USP33: variants seen among roughly 807,000 people sequenced by gnomAD.
The protein encoded by USP33 is ubiquitin carboxyl-terminal hydrolase 33.
A neutral mutation model predicts 124.2 loss-of-function variants in USP33; 46 were observed. The observed-to-expected ratio is 0.37, with a 90% CI of 0.29 to 0.47. The LOEUF (loss-of-function observed/expected upper bound fraction) is 0.47. Ranked by LOEUF, USP33 falls within the 20% of genes least tolerant of loss-of-function variation. The pLI is 0.99. For missense variants in USP33, 851 were observed against 1,070.6 expected (o/e 0.79, Z 2.86); for synonymous variants, 350 against 352.3 (o/e 0.99, Z 0.07).
rs1472766707 is a variant in USP33, at chr1:77,713,284, A to T, written c.2216-3T>A. 7 of 1,561,018 alleles carry T rather than the reference A, an allele frequency of 4.5e-6. No homozygotes were observed. The South Asian group carries it at 7.2e-5, about 16-fold the overall frequency. ...ACCAGCTTTTCTTGGAGGAACACCTAAAAAAATATATAAACATATCTGTTT... is the reference window on the plus strand; with the variant it reads ...ACCAGCTTTTCTTGGAGGAACACCTTAAAAAATATATAAACATATCTGTTT... On this transcript the variant is annotated splice_region_variant and splice_polypyrimidine_tract_variant and intron_variant, in intron 19 of 23. Coordinates refer to ENST00000370794, the MANE Select transcript of USP33 (RefSeq NM_201624.3).
At chr1:77,713,345 TC>T in intron 19 of USP33, 64 bp from the exon 20 acceptor site, 1 of 1,387,762 alleles carries the variant, frequency 7.2e-7, no homozygotes, top group Non-Finnish European at 9.8e-7. Flanking sequence ...AACATTAAAC[TC>T]ATTTTTTTTT....
rs541042127 is a variant in USP33 at position 77,728,561 on chromosome 1, C to T, written c.869G>A (p.Cys290Tyr). The T allele has an allele frequency of 1.2e-6, 2 of 1,614,146 alleles. No individual in the cohort carries two copies. Among genetic ancestry groups the T allele is most frequent in the South Asian group, 2.2e-5 (2 of 91,076 alleles). ...TCTATCACTGTTGCTACAAGATTCA[C>T]AAGACTGAAAATCTACATCCGACTG... The part of the protein sequence containing the change: ...KSQSDVDFQS[C>Y]ESCSNSDRAE... Residue 290 changes from cysteine (C) to tyrosine (Y), a missense_variant, in exon 10 of 24, where the codon TGT becomes TAT. Physicochemically the swap from Cys to Tyr is radical, Grantham distance 194. This residue lies in a region of USP33 where 207 missense variants were observed against 200.9 expected (regional missense o/e 1.03). Coordinates refer to ENST00000370794, the MANE Select transcript of USP33 (RefSeq NM_201624.3).
chr1:77,721,478 G>C (rs1676554701), intron 14 of USP33: 1 of 539,224 alleles, frequency 1.9e-6, no homozygotes, highest in African/African-American at 1.9e-5. Context: ...CAAGGTGCTA[G>C]ACACACAAAA....
At chr1:77,739,468 T>C (rs1352023052) in intron 4 of USP33, 51 bp from the exon 5 acceptor site, 1 of 1,490,756 alleles carries the variant, frequency 6.7e-7, no homozygotes. Flanking sequence ...TACATATACT[T>C]GAAAAGACTT....
intron 1 of USP33, among the ~76,000 whole-genome samples, chr1:77,756,135 G>A (rs1389564199): frequency 6.6e-6 from 1 of 152,064 alleles, no homozygotes; most frequent in Non-Finnish European, 1.5e-5. Flanking sequence ...TGAAATGGGA[G>A]GCTCTCTATA....
At chr1:77,736,309 CTTACAT>C (rs1190151926) in intron 5 of USP33, 151 bp from the exon 6 acceptor site, 1 of 496,984 alleles carries the variant, frequency 2.0e-6, no homozygotes, top group East Asian at 3.2e-5. Context: ...AGCAATTAAA[CTTACAT>C]TTATATTTTG....
chr1:77,739,552 TG>T (rs1349292094), intron 4 of USP33, 135 bp from the exon 5 acceptor site: 6 of 815,344 alleles, frequency 7.4e-6, no homozygotes, highest in South Asian at 2.9e-5. Flanking sequence ...ATTTAGAACA[TG>T]AAAAAAATTC....
At chr1:77,741,541 T>C in intron 2 of USP33, 76 bp downstream of exon 2, 2 of 1,537,304 alleles carry the variant, frequency 1.3e-6, no homozygotes, top group Non-Finnish European at 1.8e-6. Flanking sequence ...CATAGAGTAT[T>C]ACAGTAATTT....
chr1:77,735,959 C>T, intron 6 of USP33, 97 bp downstream of exon 6: 1 of 845,268 alleles, frequency 1.2e-6, no homozygotes, highest in Non-Finnish European at 1.7e-6. Context: ...AATTATCAAG[C>T]CCATTTTACC....
chr1:77,700,978 C>G (rs1385075783), intron 22 of USP33, among the ~76,000 whole-genome samples: 1 of 152,094 alleles, frequency 6.6e-6, no homozygotes, highest in Non-Finnish European at 1.5e-5. Context: ...GGATTATGGG[C>G]GTGAGCCACC....
At chr1:77,731,312 C>G (rs1460353977) in intron 7 of USP33, among the ~76,000 whole-genome samples, 1 of 152,168 alleles carries the variant, frequency 6.6e-6, no homozygotes, top group African/African-American at 2.4e-5. Flanking sequence ...CTTCCTCCAG[C>G]CTTCTACATT....
chr1:77,759,258 G>A, intron 1 of USP33: 1 of 225,936 alleles, frequency 4.4e-6, no homozygotes, highest in Non-Finnish European at 8.6e-6. Context: ...CCGGCGCGCT[G>A]CAGGGCTTTC....
At chr1:77,731,997 G>T (rs1410651194) in intron 7 of USP33, among the ~76,000 whole-genome samples, 1 of 151,764 alleles carries the variant, frequency 6.6e-6, no homozygotes, top group African/African-American at 2.4e-5. Flanking sequence ...GTAGCTACTT[G>T]GCAGGCTGAG....
In USP33 at chr1:77,722,052, T is replaced by C. The variant is rs769620970; in HGVS notation, c.1534A>G (p.Ile512Val). 1 of 1,613,342 alleles carries C rather than the reference T, an allele frequency of 6.2e-7. No individual in the cohort carries two copies. Among genetic ancestry groups the C allele is most frequent in the Non-Finnish European group, 8.5e-7 (1 of 1,179,762 alleles). ...TTCACATATTCCATGAAAAAAGCTATCCACCCTTGTGGAGCATATGCTTCG... is the reference window on the plus strand; with the variant it reads ...TTCACATATTCCATGAAAAAAGCTACCCACCCTTGTGGAGCATATGCTTCG... ...CGEAYAPQGWIAFFMEYVKRF... is the reference protein window; with the variant it reads ...CGEAYAPQGWVAFFMEYVKRF... Residue 512 changes from isoleucine (I) to valine (V), a missense_variant, in exon 13 of 24, where the codon ATA becomes GTA. This residue lies in a region of USP33 where 281 missense variants were observed against 425.0 expected (regional missense o/e 0.66). Coordinates refer to ENST00000370794, the MANE Select transcript of USP33 (RefSeq NM_201624.3).
At chr1:77,744,279 A>T (rs1032850244) in intron 1 of USP33, among the ~76,000 whole-genome samples, 2 of 152,240 alleles carry the variant, frequency 1.3e-5, no homozygotes, top group African/African-American at 2.4e-5. Flanking sequence ...ATAAAAAATG[A>T]CAGGCATTCT....
At chr1:77,757,240 T>C (rs901148012) in intron 1 of USP33, among the ~76,000 whole-genome samples, 1 of 152,258 alleles carries the variant, frequency 6.6e-6, no homozygotes, top group East Asian at 1.9e-4. Flanking sequence ...TTTACTGTTG[T>C]GTAAAAAATT....
intron 9 of USP33, among the ~76,000 whole-genome samples, chr1:77,729,505 T>C (rs990864840): frequency 1.3e-5 from 2 of 151,794 alleles, no homozygotes; most frequent in South Asian, 4.2e-4. Flanking sequence ...ACCCTATCTC[T>C]ACTGAAAACA....
At chr1:77,698,048 G>A (rs2101143344) in intron 22 of USP33, 117 bp from the exon 23 acceptor site, 5 of 732,012 alleles carry the variant, frequency 6.8e-6, no homozygotes, top group Non-Finnish European at 2.2e-6. Flanking sequence ...TATTTCTCAG[G>A]CAAATTATTA....
rs1557826030 is a variant in USP33 at position 77,714,700 on chromosome 1, T to C, written c.2129A>G (p.Tyr710Cys). Residue 710 changes from tyrosine (Y) to cysteine (C), a missense_variant, in exon 19 of 24, where the codon TAT becomes TGT. Physicochemically the swap from Tyr to Cys is radical, Grantham distance 194 (BLOSUM62 -2). Transcript: ENST00000370794. ...TTTATTAAGCCACTGTCGAGAAATA[T>C]AAAACTGAAGGAGGCTTGGTTCCAT... ...NIMEPSLLQF[Y>C]ISRQWLNKFK... 2 of 1,613,058 alleles carry C rather than the reference T, an allele frequency of 1.2e-6. No individual in the cohort carries two copies. The highest frequency in any genetic ancestry group is 1.7e-6 in the Non-Finnish European group (2 of 1,179,958).
Sources: allele counts gnomAD v4.1 joint callset (sites outside exome capture counted in the v4.1 genomes callset), GRCh38; gene constraint gnomAD v4.1.1; regional missense constraint gnomAD v4.1.1; transcripts MANE v1.5; gene names NCBI Gene and HGNC (gene_info 2026-07-23, HGNC 2026-07-21).